Variants in DMD observed in about 807,000 individuals in gnomAD.
The protein encoded by DMD is mutant dystrophin.
In DMD, 63 loss-of-function variants were observed where a neutral mutation model predicts 330.1. The observed-to-expected ratio is 0.19, with a 90% CI of 0.16 to 0.24. The LOEUF (loss-of-function observed/expected upper bound fraction) is 0.24, where lower values mean the gene tolerates loss of function less well. Among genes scored for constraint, DMD ranks in the 10% least tolerant of loss-of-function variants. DMD has a pLI of 1.00. For missense variants in DMD, 3,344 were observed against 2,684.1 expected, an observed-to-expected ratio of 1.25 and a Z score of -5.43; for synonymous variants, 1,223 against 959.8, an observed-to-expected ratio of 1.27 and a Z score of -5.07.
At chrX:32,749,395 T>C (rs1188345766) in intron 7 of DMD, among the ~76,000 whole-genome samples, 5 of 112,247 alleles carry the variant, frequency 4.5e-5, no homozygotes, top group African/African-American at 1.3e-4. Flanking sequence ...TATCTAGAAA[T>C]AGATGCCTAA....
chrX:32,491,368 T>C lies in DMD; in HGVS notation c.2531A>G (p.Gln844Arg), dbSNP rs2148631249. Residue 844 changes from glutamine to arginine, a missense_variant, in exon 20 of 79, where the codon CAG (glutamine) becomes CGG (arginine). By Grantham distance (43) the Gln-to-Arg change is conservative. Transcript: ENST00000357033. Reference sequence around the variant, plus strand: ...CCAGTTTTCAGCAGTAGTTGTCATCTGCTCCAATTGTTGTAGCTGATTATA... The same window carrying C: ...CCAGTTTTCAGCAGTAGTTGTCATCCGCTCCAATTGTTGTAGCTGATTATA... ...AFYNQLQQLE[Q>R]MTTTAENWLK... 8.3e-7 allele frequency: 1 copy of C among 1,211,343 alleles called. No individual in the cohort carries two copies. The highest frequency in any genetic ancestry group is 1.1e-6 in the Non-Finnish European group (1 of 895,135).
At chrX:32,717,265 G>C (rs116794233) in intron 7 of DMD, among the ~76,000 whole-genome samples, 1,978 of 111,292 alleles carry the variant, frequency 0.018, 53 homozygotes, top group African/African-American at 0.061. Context: ...AATGATTTCG[G>C]AGGCCAGGCC....
chrX:32,370,369 A>T (rs986325744), intron 34 of DMD, among the ~76,000 whole-genome samples: 20 of 110,792 alleles, frequency 1.8e-4, no homozygotes, highest in African/African-American at 6.2e-4. Context: ...TTTAGGACAT[A>T]TTTTACTATT....
chrX:31,219,123 C>A (rs1421340301), intron 64 of DMD, among the ~76,000 whole-genome samples: 3 of 111,787 alleles, frequency 2.7e-5, no homozygotes, highest in Admixed American at 9.5e-5. Flanking sequence ...TCTTCCCCTA[C>A]CTCCCTGAAG....
intron 49 of DMD, among the ~76,000 whole-genome samples, chrX:31,833,293 G>GAGAGAGA (rs1569464426): frequency 0.019 from 257 of 13,780 alleles, 1 homozygote; most frequent in Non-Finnish European, 0.025. Flanking sequence ...AGAGAGAGAG[G>GAGAGAGA]GAGAGAGGGA....
intron 13 of DMD, among the ~76,000 whole-genome samples, chrX:32,581,534 G>A (rs1034581179): frequency 8.9e-6 from 1 of 111,928 alleles, no homozygotes; most frequent in East Asian, 2.8e-4. Context: ...TGTAATTTTA[G>A]ATGCAATAGA....
At chrX:31,125,087 C>CA (rs113172574) in intron 78 of DMD, among the ~76,000 whole-genome samples, 4,013 of 111,829 alleles carry the variant, frequency 0.036, 149 homozygotes, top group South Asian at 0.14. Context: ...TATATAACTT[C>CA]AATTACATGT....
chrX:31,908,482 A>C (rs1250622229), intron 47 of DMD, among the ~76,000 whole-genome samples: 1 of 105,059 alleles, frequency 9.5e-6, no homozygotes, highest in Non-Finnish European at 1.9e-5. Flanking sequence ...AAAACCAAAC[A>C]CCGCATGTCC....
At chrX:31,749,517 C>A (rs1338486219) in intron 51 of DMD, among the ~76,000 whole-genome samples, 1 of 107,836 alleles carries the variant, frequency 9.3e-6, no homozygotes, top group East Asian at 3.0e-4. Context: ...TGTATATGTG[C>A]CACATTTTCT....
At chrX:32,335,754 TA>T (rs1245305947) in intron 41 of DMD, among the ~76,000 whole-genome samples, 1 of 72,977 alleles carries the variant, frequency 1.4e-5, no homozygotes, top group Non-Finnish European at 2.7e-5. Context: ...TATATAGGCA[TA>T]ACATGTATAT....
intron 1 of DMD, among the ~76,000 whole-genome samples, chrX:33,120,578 C>T (rs1027300996): frequency 3.6e-5 from 4 of 111,202 alleles, no homozygotes; most frequent in African/African-American, 1.3e-4. Context: ...TTATTTCTCT[C>T]CTCTATTGAA....
intron 15 of DMD, among the ~76,000 whole-genome samples, chrX:32,567,693 A>T (rs1165587167): frequency 1.8e-5 from 2 of 112,668 alleles, no homozygotes; most frequent in Non-Finnish European, 3.7e-5. Flanking sequence ...CACCATACCC[A>T]GCCCAATAGA....
At chrX:31,242,700 ATG>A (rs3138883) in intron 63 of DMD, among the ~76,000 whole-genome samples, 10,211 of 94,851 alleles carry the variant, frequency 0.11, 486 homozygotes, top group Non-Finnish European at 0.12. Flanking sequence ...ACAATAAGAT[ATG>A]TGTGTGTGTG....
chrX:31,497,320 C>A (rs1391028713), intron 56 of DMD, among the ~76,000 whole-genome samples: 2 of 111,689 alleles, frequency 1.8e-5, no homozygotes, highest in Non-Finnish European at 3.8e-5. Flanking sequence ...TACTGGAATT[C>A]TTTTTGCCTT....
chrX:32,639,335 G>A (rs1322348362), intron 11 of DMD, among the ~76,000 whole-genome samples: 2 of 110,166 alleles, frequency 1.8e-5, no homozygotes, highest in Non-Finnish European at 3.8e-5. Context: ...TTTTTCTTCC[G>A]AATTCCTTAC....
At chrX:31,475,751 G>A (rs951934696) in intron 59 of DMD, among the ~76,000 whole-genome samples, 3 of 111,605 alleles carry the variant, frequency 2.7e-5, no homozygotes, top group Admixed American at 9.5e-5. Context: ...GGGTAGAAGG[G>A]ATTTTACAAG....
intron 16 of DMD, among the ~76,000 whole-genome samples, chrX:32,553,673 G>C (rs970958785): frequency 1.8e-5 from 2 of 111,851 alleles, no homozygotes; most frequent in African/African-American, 6.5e-5. Flanking sequence ...TTGCAATTAC[G>C]AACTATTCAG....
intron 55 of DMD, among the ~76,000 whole-genome samples, chrX:31,618,308 T>G (rs1371961601): frequency 9.1e-6 from 1 of 110,070 alleles, no homozygotes; most frequent in Admixed American, 9.7e-5. Context: ...GTATAATATA[T>G]CACCCTGGCA....
chrX:33,063,403 G>T (rs1249850681), intron 1 of DMD, among the ~76,000 whole-genome samples: 1 of 111,779 alleles, frequency 8.9e-6, no homozygotes, highest in Non-Finnish European at 1.9e-5. Context: ...AAAGGGAAGT[G>T]GAAAAATTCA....
Sources: allele counts gnomAD v4.1 joint callset (sites outside exome capture counted in the v4.1 genomes callset), GRCh38; gene constraint gnomAD v4.1.1; transcripts MANE v1.5; gene names NCBI Gene and HGNC (gene_info 2026-07-23, HGNC 2026-07-21).